Variants in NELL1 observed in about 807,000 individuals in gnomAD.
NELL1 encodes the protein protein kinase C-binding protein NELL1.
NELL1 carries 76 observed loss-of-function variants against 107.4 expected under a neutral mutation model. That is an observed-to-expected ratio of 0.71 (90% CI 0.59 to 0.86). The LOEUF (loss-of-function observed/expected upper bound fraction) is 0.86. NELL1 is among the 40% of genes least tolerant of loss of function. The pLI is 0.00. For missense variants in NELL1, 1,024 were observed against 1,005.5 expected (o/e 1.02, Z -0.25); for synonymous variants, 353 against 341.2 (o/e 1.03, Z -0.38).
intron 16 of NELL1, among the ~76,000 whole-genome samples, chr11:21,536,754 A>T (rs1225661130): frequency 6.6e-6 from 1 of 152,172 alleles, no homozygotes; most frequent in African/African-American, 2.4e-5. Context: ...CCAGCCACAT[A>T]ACTGGTTTGG....
chr11:20,952,025 C>T (rs564368302), intron 11 of NELL1, among the ~76,000 whole-genome samples: 6 of 148,014 alleles, frequency 4.1e-5, no homozygotes, highest in African/African-American at 5.0e-5. Context: ...AAAGACTGCT[C>T]GTGAATTTCT....
intron 15 of NELL1, among the ~76,000 whole-genome samples, chr11:21,474,486 A>G (rs931222858): frequency 6.6e-6 from 1 of 152,116 alleles, no homozygotes; most frequent in Non-Finnish European, 1.5e-5. Flanking sequence ...TTTAATAAAT[A>G]TTTATTAAAA....
At chr11:21,165,151 A>T (rs994375620) in intron 13 of NELL1, among the ~76,000 whole-genome samples, 2 of 152,226 alleles carry the variant, frequency 1.3e-5, no homozygotes, top group Non-Finnish European at 2.9e-5. Context: ...TGCCATTCGC[A>T]GAGGAAGCTG....
intron 4 of NELL1, among the ~76,000 whole-genome samples, chr11:20,884,444 T>G (rs558222714): frequency 1.3e-5 from 2 of 152,116 alleles, no homozygotes; most frequent in Non-Finnish European, 2.9e-5. Context: ...ATGGACATAG[T>G]TCTCGTTTAC....
intron 12 of NELL1, among the ~76,000 whole-genome samples, chr11:20,999,750 A>G (rs912226825): frequency 1.3e-5 from 2 of 148,802 alleles, no homozygotes; most frequent in African/African-American, 2.5e-5. Context: ...ACTTCGCTTG[A>G]GTCTTCCAAC....
intron 12 of NELL1, among the ~76,000 whole-genome samples, chr11:21,061,213 G>A (rs1193852303): frequency 2.6e-5 from 4 of 152,190 alleles, no homozygotes; most frequent in African/African-American, 9.7e-5. Flanking sequence ...TTTATATTCT[G>A]GTGGAGCCAG....
chr11:21,470,057 C>G (rs564406158), intron 15 of NELL1, among the ~76,000 whole-genome samples: 10 of 152,104 alleles, frequency 6.6e-5, no homozygotes, highest in Admixed American at 5.9e-4. Context: ...TTAACAATTA[C>G]TCTATGCCAG....
At chr11:20,808,285 A>G (rs752960396) in intron 3 of NELL1, among the ~76,000 whole-genome samples, 12 of 152,002 alleles carry the variant, frequency 7.9e-5, no homozygotes, top group East Asian at 1.9e-4. Flanking sequence ...CTCTGGCCCA[A>G]GGTATATCTA....
intron 13 of NELL1, among the ~76,000 whole-genome samples, chr11:21,147,922 A>T (rs908023571): frequency 1.4e-5 from 2 of 147,796 alleles, no homozygotes; most frequent in East Asian, 4.2e-4. Flanking sequence ...GTTGCTTTGG[A>T]TTAGTTTGGC....
intron 15 of NELL1, among the ~76,000 whole-genome samples, chr11:21,420,452 C>T (rs1259304002): frequency 1.3e-5 from 2 of 151,874 alleles, no homozygotes; most frequent in Non-Finnish European, 2.9e-5. Context: ...ATGGAAAATG[C>T]AAAACATGTC....
chr11:21,037,236 A>G (rs1853113947), intron 12 of NELL1, among the ~76,000 whole-genome samples: 1 of 152,072 alleles, frequency 6.6e-6, no homozygotes. Flanking sequence ...TTTAATTTTA[A>G]TTAATTAAAA....
chr11:21,071,650 T>A (rs533770414), intron 12 of NELL1, among the ~76,000 whole-genome samples: 2 of 152,294 alleles, frequency 1.3e-5, no homozygotes, highest in Admixed American at 6.5e-5. Flanking sequence ...TTGAGAATAA[T>A]CTGACTTCCA....
chr11:21,185,600 G>A (rs547921753), intron 13 of NELL1, among the ~76,000 whole-genome samples: 9 of 151,578 alleles, frequency 5.9e-5, no homozygotes, highest in Middle Eastern at 3.4e-3. Flanking sequence ...TGGCCCTATC[G>A]TTTTTTTACT....
chr11:21,280,137 C>G (rs192817351), intron 14 of NELL1, among the ~76,000 whole-genome samples: 1 of 152,184 alleles, frequency 6.6e-6, no homozygotes, highest in Non-Finnish European at 1.5e-5. Context: ...ATGGTGGATA[C>G]CTATCATTAT....
At chr11:20,855,498 C>T (rs1848866269) in intron 4 of NELL1, among the ~76,000 whole-genome samples, 1 of 152,142 alleles carries the variant, frequency 6.6e-6, no homozygotes, top group South Asian at 2.1e-4. Context: ...ATTTCCAACT[C>T]ATAGTGATTT....
At chr11:21,400,703 CTG>C (rs1852077681) in intron 15 of NELL1, among the ~76,000 whole-genome samples, 1 of 151,928 alleles carries the variant, frequency 6.6e-6, no homozygotes, top group Non-Finnish European at 1.5e-5. Flanking sequence ...TATGTCTTGT[CTG>C]TGCCACAAAT....
chr11:20,978,601 A>G (rs574692920), intron 12 of NELL1, among the ~76,000 whole-genome samples: 3 of 152,284 alleles, frequency 2.0e-5, no homozygotes, highest in South Asian at 2.1e-4. Flanking sequence ...GTCAGCATAG[A>G]TAAGGAATTA....
intron 5 of NELL1, among the ~76,000 whole-genome samples, chr11:20,895,202 G>GCGGAGCTTGCAGTGAGC (rs1277941193): frequency 7.8e-6 from 1 of 128,070 alleles, no homozygotes; most frequent in Non-Finnish European, 1.6e-5. Context: ...AACCCGGGAG[G>GCGGAGCTTGCAGTGAGC]CGGAGCTTGC....
chr11:20,894,486 A>G (rs996004214), intron 5 of NELL1, among the ~76,000 whole-genome samples: 3 of 152,232 alleles, frequency 2.0e-5, no homozygotes, highest in African/African-American at 7.2e-5. Context: ...GCACTTCACA[A>G]AAGGGAATGT....
Sources: gnomAD v4.1 joint callset for allele counts (sites outside exome capture counted in the v4.1 genomes callset) on GRCh38, gnomAD v4.1.1 for gene constraint, MANE v1.5 for transcripts, NCBI Gene and HGNC (gene_info 2026-07-23, HGNC 2026-07-21) for gene names.